FILIP1: variants seen among roughly 807,000 people sequenced by gnomAD.
The protein encoded by FILIP1 is filamin A interacting protein 1.
FILIP1 carries 61 observed loss-of-function variants against 102.1 expected under a neutral mutation model. The ratio of observed to expected loss-of-function variants is 0.60; its 90% CI spans 0.49 to 0.74. The LOEUF (loss-of-function observed/expected upper bound fraction) is 0.74. FILIP1 is among the 30% of genes least tolerant of loss of function. The probability of loss-of-function intolerance (pLI) is 0.00; values close to 1 mark genes in which losing one functional copy is unlikely to be tolerated. For synonymous variants in FILIP1, 491 were observed against 526.9 expected (o/e 0.93, Z 0.93); for missense variants, 1,314 against 1,441.2 (o/e 0.91, Z 1.43).
At chr6:75,482,396 T>C (rs139318406) in intron 1 of FILIP1, among the ~76,000 whole-genome samples, 82 of 152,332 alleles carry the variant, frequency 5.4e-4, no homozygotes, top group Non-Finnish European at 1.0e-3. Flanking sequence ...TTACCACTTG[T>C]AGAGGAGTGG....
At chr6:75,372,693 A>AAG (rs58836979) in intron 2 of FILIP1, among the ~76,000 whole-genome samples, 4 of 41,676 alleles carry the variant, frequency 9.6e-5, no homozygotes, top group African/African-American at 6.0e-4. Context: ...AAGAGAAAGA[A>AAG]AGAGAAAGAA....
intron 4 of FILIP1, among the ~76,000 whole-genome samples, chr6:75,323,684 C>T (rs1019710632): frequency 1.3e-5 from 2 of 152,094 alleles, no homozygotes; most frequent in Non-Finnish European, 2.9e-5. Context: ...CCTGCCAGAG[C>T]AATCAGTCAA....
At chr6:75,418,771 C>A (rs1318527362) in intron 1 of FILIP1, among the ~76,000 whole-genome samples, 1 of 152,124 alleles carries the variant, frequency 6.6e-6, no homozygotes, top group South Asian at 2.1e-4. Flanking sequence ...CGTTTTATAA[C>A]CCTTTTTAAA....
chr6:75,313,474 A>C lies in FILIP1; in HGVS notation c.2358T>G (p.Leu786=). The change falls in exon 5 of 6, where the codon CTT becomes CTG. Residue 786 remains leucine (L), a synonymous_variant. Coordinates refer to ENST00000237172, the MANE Select transcript of FILIP1 (RefSeq NM_015687.5). The surrounding 1 kb of genome is among the most constrained non-coding windows in gnomAD (Gnocchi z 4.2). The part of the protein sequence containing the change: ...LELSKRYSRA[L]RPSVNGRRMV... ...TTCTTCTTCCATTCACACTGGGCCT[A>C]AGAGCTCTGCTGTAGCGCTTGGAAA... 2 of 1,614,192 alleles carry C rather than the reference A, an allele frequency of 1.2e-6. No individual in the cohort carries two copies. The highest frequency in any genetic ancestry group is 1.3e-5 in the African/African-American group (1 of 75,054).
chr6:75,418,138 T>C (rs568712858), intron 1 of FILIP1, among the ~76,000 whole-genome samples: 3 of 152,258 alleles, frequency 2.0e-5, no homozygotes, highest in Admixed American at 1.3e-4. Context: ...ACAGAGGTTG[T>C]AGTGAGCCGA....
At chr6:75,469,028 C>G in intron 1 of FILIP1, among the ~76,000 whole-genome samples, 1 of 151,530 alleles carries the variant, frequency 6.6e-6, no homozygotes, top group Middle Eastern at 3.4e-3. Context: ...ATTTTGCCAA[C>G]CAAAATAAAA....
chr6:75,303,481 T>C (rs1369229592), downstream of FILIP1, among the ~76,000 whole-genome samples: 2 of 152,184 alleles, frequency 1.3e-5, no homozygotes, highest in Non-Finnish European at 2.9e-5. Context: ...ATTAGATATC[T>C]TGGTCATTGA....
chr6:75,415,923 C>T (rs1018769222), intron 1 of FILIP1, among the ~76,000 whole-genome samples: 16 of 152,060 alleles, frequency 1.1e-4, no homozygotes, highest in Admixed American at 8.5e-4. Context: ...ACAAACACAC[C>T]GAACTCACAG....
chr6:75,378,936 C>T (rs1228579377), intron 2 of FILIP1, among the ~76,000 whole-genome samples: 2 of 152,098 alleles, frequency 1.3e-5, no homozygotes, highest in South Asian at 2.1e-4. Flanking sequence ...AAATATAGAG[C>T]TGATAATATG....
intron 1 of FILIP1, among the ~76,000 whole-genome samples, chr6:75,448,107 T>G (rs193081090): frequency 6.6e-6 from 1 of 152,312 alleles, no homozygotes; most frequent in Admixed American, 6.5e-5. Flanking sequence ...AGACACTAAA[T>G]AAGTTTGAAA....
At chr6:75,368,131 T>C (rs919810205) in intron 2 of FILIP1, among the ~76,000 whole-genome samples, 5 of 152,230 alleles carry the variant, frequency 3.3e-5, no homozygotes, top group African/African-American at 1.2e-4. Flanking sequence ...CATAGTTCTT[T>C]GTGCCAGTGG....
chr6:75,469,142 G>C (rs975959077), intron 1 of FILIP1, among the ~76,000 whole-genome samples: 1 of 151,840 alleles, frequency 6.6e-6, no homozygotes, highest in Non-Finnish European at 1.5e-5. Flanking sequence ...TTAAAACAAC[G>C]ATAGGAATTT....
Position 75,314,593 on chromosome 6 carries a change from C to T in FILIP1, c.1239G>A (p.Glu413=), listed in dbSNP as rs755243579. 1 of 1,613,794 alleles carries T rather than the reference C, an allele frequency of 6.2e-7. No homozygotes were observed. Among genetic ancestry groups the T allele is most frequent in the Non-Finnish European group, 8.5e-7 (1 of 1,179,996 alleles). Residue 413 remains glutamate (E), a synonymous_variant, in exon 5 of 6, where the codon GAG becomes GAA. Transcript: ENST00000237172. ...TGAGCTCCTTACTATGGTGTTCTTC[C>T]TCTTGCAGCTTCTTCCTCAATTCCC... ...QCRELRKKLQ[E]EEHHSKELRL... is the part of the protein sequence containing the mutation.
intron 2 of FILIP1, among the ~76,000 whole-genome samples, chr6:75,363,692 T>A (rs776868147): frequency 6.6e-6 from 1 of 152,206 alleles, no homozygotes; most frequent in Non-Finnish European, 1.5e-5. Flanking sequence ...CACCTGTTTA[T>A]GTTTTGCACT....
intron 3 of FILIP1, chr6:75,358,557 C>T (rs1464440320): frequency 6.6e-6 from 1 of 152,084 alleles, no homozygotes; most frequent in Non-Finnish European, 1.5e-5. Context: ...CCCGTGAAGA[C>T]TGCAACATCT....
chr6:75,362,833 C>G lies in FILIP1; in HGVS notation c.361G>C (p.Glu121Gln), dbSNP rs267601130. 3 of 1,614,028 alleles carry G rather than the reference C, an allele frequency of 1.9e-6. No individual in the cohort carries two copies. The East Asian group carries it at 6.7e-5, about 36-fold the overall frequency. The stretch of plus-strand genomic sequence containing the variant: ...CGGTGCAGGACCCGCAGCACTTTCT[C>G]TGGCTCCGCAGACCCGTAATGAGCC... ...LEAHYGSAEP[E>Q]KVLRVLHRDA... Residue 121 changes from glutamate to glutamine, a missense_variant, in exon 3 of 6, where the codon GAG becomes CAG. Around this residue, in one of 3 missense-constraint regions of FILIP1, gnomAD observed 494 missense variants for 511.2 expected, o/e 0.97. Transcript: ENST00000237172.
At chr6:75,445,644 T>C (rs1313697391) in intron 1 of FILIP1, among the ~76,000 whole-genome samples, 1 of 151,942 alleles carries the variant, frequency 6.6e-6, no homozygotes, top group Non-Finnish European at 1.5e-5. Context: ...TCCCAGCACC[T>C]ACTACATCCT....
chr6:75,315,508 C>A (rs540515856), intron 4 of FILIP1, among the ~76,000 whole-genome samples: 43 of 152,286 alleles, frequency 2.8e-4, no homozygotes, highest in African/African-American at 1.0e-3. Context: ...CTGAACACTT[C>A]CGAGTATCTT....
intron 1 of FILIP1, among the ~76,000 whole-genome samples, chr6:75,481,495 G>C (rs756209909): frequency 1.3e-5 from 2 of 152,072 alleles, no homozygotes; most frequent in Non-Finnish European, 2.9e-5. Flanking sequence ...CCACCTCCCT[G>C]CTCTCCTTCC....
Sources: gnomAD v4.1 joint callset for allele counts (sites outside exome capture counted in the v4.1 genomes callset) on GRCh38, gnomAD v4.1.1 for gene constraint, gnomAD v4.1.1 regional missense constraint, Gnocchi (gnomAD v3.1) non-coding constraint, MANE v1.5 for transcripts, NCBI Gene and HGNC (gene_info 2026-07-23, HGNC 2026-07-21) for gene names.